Variants in C3orf49 observed in about 807,000 individuals in gnomAD.
The protein encoded by C3orf49 is chromosome 3 open reading frame 49, also known as putative uncharacterized protein C3orf49.
A neutral mutation model predicts 13.3 loss-of-function variants in C3orf49; 27 were observed. The ratio of observed to expected loss-of-function variants is 2.02; its 90% CI spans 1.49 to 2.79. The LOEUF (loss-of-function observed/expected upper bound fraction) is 2.79. Ranked by LOEUF, C3orf49 falls within the 30% of genes most tolerant of loss-of-function variation. C3orf49 has a pLI of 0.00. For synonymous variants in C3orf49, 87 were observed against 47.6 expected, an observed-to-expected ratio of 1.83 and a Z score of -3.40; for missense variants, 242 against 134.2, an observed-to-expected ratio of 1.80 and a Z score of -3.97.
intron 6 of C3orf49, among the ~76,000 whole-genome samples, chr3:63,847,268 C>A (rs991960620): frequency 6.6e-6 from 1 of 152,052 alleles, no homozygotes; most frequent in Admixed American, 6.6e-5. Flanking sequence ...GAAAAATAAC[C>A]AAATTTCCTT....
the C3orf49 span, among the ~76,000 whole-genome samples, chr3:63,811,564 CAAAAACAAAACA>C: frequency 7.2e-6 from 1 of 138,070 alleles, no homozygotes; most frequent in Non-Finnish European, 1.6e-5. Context: ...TGTCAAAAAA[CAAAAACAAAACA>C]AAAAAAAAAA....
chr3:63,835,385 A>G (rs1181262976), intron 5 of C3orf49: 12 of 1,613,154 alleles, frequency 7.4e-6, no homozygotes, highest in African/African-American at 1.3e-5. Flanking sequence ...CAGAGCCTCT[A>G]GTTCCCTGGA....
At chr3:63,838,974 T>A (rs1456488506) in intron 5 of C3orf49, among the ~76,000 whole-genome samples, 1 of 152,212 alleles carries the variant, frequency 6.6e-6, no homozygotes, top group Non-Finnish European at 1.5e-5. Flanking sequence ...GCAGATCACT[T>A]AATGCTAGAA....
rs1369850703 is a variant in C3orf49 at position 63,842,050 on chromosome 3, A to AT, written c.850-2971dup. Among the ~76,000 whole-genome samples the AT allele has an allele frequency of 2.0e-5, 3 of 152,300 alleles. No individual in the cohort carries two copies. In the East Asian group the frequency reaches 5.8e-4, roughly 29 times the overall value. ...GGCAACCTGGGGAGTGAGTGCCCTG[A>AT]TTGAGAGGAAAAAATATTAATAGAT... On this transcript the variant is annotated intron_variant, in intron 5 of 6. Coordinates refer to ENST00000295896, the MANE Select transcript of C3orf49 (RefSeq NM_001355236.2).
chr3:63,810,028 C>G, the C3orf49 span, among the ~76,000 whole-genome samples: 3 of 152,024 alleles, frequency 2.0e-5, no homozygotes, highest in African/African-American at 7.2e-5. Flanking sequence ...TGCCTGTAAT[C>G]CCAGTTACTG....
chr3:63,827,646 C>A lies in C3orf49; in HGVS notation c.491C>A (p.Thr164Asn). ...GTAGAGGCAGAGACAGAGGAGATAA[C>A]CCAGGGAAACACACTCCTTCGGGCC... ...DVVEAETEEI[T>N]QGNTLLRARR... Residue 164 changes from threonine (T) to asparagine (N), a missense_variant, in exon 3 of 7, where the codon ACC becomes AAC. By Grantham distance (65) the Thr-to-Asn change is moderately conservative. Transcript: ENST00000295896. 1.4e-6 allele frequency: 1 copy of A among 703,302 alleles called. No individual in the cohort carries two copies. Among genetic ancestry groups the A allele is most frequent in the Non-Finnish European group, 2.6e-6 (1 of 385,054 alleles). The allele number at this position is 703,302 out of a possible 1,614,324, so 43.6% of individuals were successfully genotyped here.
At chr3:63,785,769 A>C in the C3orf49 span, among the ~76,000 whole-genome samples, 1 of 152,144 alleles carries the variant, frequency 6.6e-6, no homozygotes, top group African/African-American at 2.4e-5. Flanking sequence ...AGGATGATGC[A>C]GAGAGGAGCC....
rs781097633 is a variant in C3orf49, at chr3:63,827,664, T to G, written c.509T>G (p.Leu170Arg). 1 of 703,090 alleles carries G rather than the reference T, an allele frequency of 1.4e-6. No homozygotes were observed. The highest frequency in any genetic ancestry group is 2.6e-6 in the Non-Finnish European group (1 of 385,056). 43.6% of individuals were successfully genotyped at this position (703,090 alleles called of 1,614,324 possible). The change falls in exon 3 of 7, where the codon CTT becomes CGT. Residue 170 changes from leucine (L) to arginine (R), a missense_variant. By Grantham distance (102) the Leu-to-Arg change is moderately radical. Transcript: ENST00000295896. The part of the protein sequence containing the change: ...TEEITQGNTL[L>R]RARRTTKRLS... ...GAGATAACCCAGGGAAACACACTCC[T>G]TCGGGCCAGGAGAACCACCAAGCGG... is the stretch of plus-strand genomic sequence containing the variant.
chr3:63,788,269 A>T, the C3orf49 span, among the ~76,000 whole-genome samples: 2 of 152,214 alleles, frequency 1.3e-5, no homozygotes, highest in African/African-American at 2.4e-5. Flanking sequence ...GAAGTGATCC[A>T]AGAATACATA....
intron 2 of C3orf49, among the ~76,000 whole-genome samples, chr3:63,825,519 G>A (rs1471768087): frequency 6.6e-6 from 1 of 152,178 alleles, no homozygotes; most frequent in Non-Finnish European, 1.5e-5. Context: ...GCAGAAAACA[G>A]AGGATCAAAT....
At position 63,819,359 on chromosome 3, in the gene C3orf49, G is replaced by A. The variant is rs879511307; in HGVS notation, c.-113G>A. The A allele has an allele frequency of 4.3e-5, 26 of 606,412 alleles. No homozygotes were observed. Among genetic ancestry groups the A allele is most frequent in the African/African-American group, 1.5e-4 (8 of 53,966 alleles). 37.6% of individuals were successfully genotyped at this position (606,412 alleles called of 1,614,324 possible). A position where few individuals can be genotyped will look rare whatever the true frequency, so the allele number is the denominator to read the frequency against. On this transcript the variant is annotated 5_prime_UTR_variant, in exon 1 of 7. Transcript: ENST00000295896. ...AAAAATTTCCTACATATTTTATTCCGAATAGCCCACACCTTGACAGTACAT... is the reference window on the plus strand; with the variant it reads ...AAAAATTTCCTACATATTTTATTCCAAATAGCCCACACCTTGACAGTACAT...
At chr3:63,820,713 A>G (rs1384596206) in intron 1 of C3orf49, among the ~76,000 whole-genome samples, 1 of 152,226 alleles carries the variant, frequency 6.6e-6, no homozygotes, top group Non-Finnish European at 1.5e-5. Context: ...GGTCTACGGG[A>G]GATTAATCCT....
the C3orf49 span, among the ~76,000 whole-genome samples, chr3:63,799,320 C>T: frequency 1.3e-5 from 2 of 152,196 alleles, no homozygotes; most frequent in South Asian, 4.2e-4. Context: ...CTTTTTAAAA[C>T]CATGTGGACA....
chr3:63,792,225 C>T, the C3orf49 span, among the ~76,000 whole-genome samples: 1 of 152,196 alleles, frequency 6.6e-6, no homozygotes, highest in Non-Finnish European at 1.5e-5. Flanking sequence ...AAGTAAACAA[C>T]TGCCCCAAAA....
intron 5 of C3orf49, chr3:63,833,996 T>C (rs1575800142): frequency 1.3e-6 from 1 of 746,154 alleles, no homozygotes; most frequent in Non-Finnish European, 2.1e-6. Flanking sequence ...GAAATATGAA[T>C]GAAATACATT....
chr3:63,839,089 T>C (rs1701699239), intron 5 of C3orf49, among the ~76,000 whole-genome samples: 1 of 151,826 alleles, frequency 6.6e-6, no homozygotes, highest in Non-Finnish European at 1.5e-5. Flanking sequence ...ACTCAGGAGG[T>C]TGAGGCACGA....
At chr3:63,796,261 T>A in the C3orf49 span, among the ~76,000 whole-genome samples, 5,724 of 152,216 alleles carry the variant, frequency 0.038, 254 homozygotes, top group African/African-American at 0.11. Context: ...TCTCCCTGCT[T>A]CCACTCTTGC....
intron 3 of C3orf49, among the ~76,000 whole-genome samples, chr3:63,829,205 A>G (rs574452029): frequency 6.6e-6 from 1 of 152,294 alleles, no homozygotes; most frequent in African/African-American, 2.4e-5. Context: ...TGTTTTAGGC[A>G]GTCTGTAGGT....
At chr3:63,783,407 G>T in the C3orf49 span, among the ~76,000 whole-genome samples, 538 of 152,108 alleles carry the variant, frequency 3.5e-3, 2 homozygotes, top group African/African-American at 0.012. Flanking sequence ...TCTGGGCTGG[G>T]CATGGTGGCT....
Sources: allele counts gnomAD v4.1 joint callset (sites outside exome capture counted in the v4.1 genomes callset), GRCh38; gene constraint gnomAD v4.1.1; transcripts MANE v1.5; gene names NCBI Gene and HGNC (gene_info 2026-07-23, HGNC 2026-07-21).